TMEM71: variants seen among roughly 807,000 people sequenced by gnomAD.
TMEM71 encodes transmembrane protein 71.
A neutral mutation model predicts 38.0 loss-of-function variants in TMEM71; 44 were observed. The observed-to-expected ratio is 1.16, with a 90% CI of 0.91 to 1.49. The LOEUF (loss-of-function observed/expected upper bound fraction) is 1.49. Among genes scored for constraint, TMEM71 ranks in the 40% most tolerant of loss-of-function variants. The probability of loss-of-function intolerance (pLI) is 0.00; values close to 1 mark genes in which losing one functional copy is unlikely to be tolerated. For synonymous variants in TMEM71, 133 were observed against 122.5 expected (o/e 1.09, Z -0.56); for missense variants, 367 against 348.6 (o/e 1.05, Z -0.42).
At chr8:132,746,881 A>C (rs1828417771) in intron 5 of TMEM71, 61 bp downstream of exon 5, 8 of 1,398,782 alleles carry the variant, frequency 5.7e-6, no homozygotes, top group Non-Finnish European at 7.7e-6. Context: ...TGAGGACCAC[A>C]GGGTTACCAC....
chr8:132,738,115 T>C (rs1385573463), intron 5 of TMEM71, among the ~76,000 whole-genome samples: 1 of 151,604 alleles, frequency 6.6e-6, no homozygotes, highest in Non-Finnish European at 1.5e-5. Flanking sequence ...ACATTTTTCA[T>C]GAATTATTGC....
chr8:132,770,668 A>T, the TMEM71 span, among the ~76,000 whole-genome samples: 167 of 152,358 alleles, frequency 1.1e-3, 2 homozygotes, highest in East Asian at 0.028. Context: ...CTTATTCCTT[A>T]TCTTCTATTA....
At chr8:132,724,715 G>C (rs9297855) in intron 6 of TMEM71, among the ~76,000 whole-genome samples, 87,807 of 152,054 alleles carry the variant, frequency 0.58, 28,195 homozygotes, top group African/African-American at 0.87. Flanking sequence ...AAAATAAAGA[G>C]AGGCATAACA....
At position 132,751,767 on chromosome 8, in the gene TMEM71, G is replaced by A; in HGVS notation, c.314+18C>T. 6.2e-7 allele frequency: 1 copy of A among 1,605,502 alleles called. No individual in the cohort carries two copies. Among genetic ancestry groups the A allele is most frequent in the Non-Finnish European group, 8.5e-7 (1 of 1,173,414 alleles). On this transcript the variant is annotated intron_variant, in intron 4 of 9. Coordinates refer to ENST00000677595, the MANE Select transcript of TMEM71 (RefSeq NM_001382403.1). ...TGGATTGGACTTCAGATTTCTTTCT[G>A]TAATATGCTCTGCTTACCTAACTAA...
rs571171130 is a variant in TMEM71 at position 132,756,218 on chromosome 8, T to C, written c.101+1016A>G. ...GTAGTACTTCAAGAAAATGGTAGACTGCACATGTTTTGGTAGAGCATAAAA... is the reference window on the plus strand; with the variant it reads ...GTAGTACTTCAAGAAAATGGTAGACCGCACATGTTTTGGTAGAGCATAAAA... On this transcript the variant is annotated intron_variant, in intron 3 of 9. Transcript: ENST00000677595. Among the ~76,000 whole-genome samples, 382 of 151,884 alleles carry C rather than the reference T, an allele frequency of 2.5e-3. 2 individuals are homozygous for C. The highest frequency in any genetic ancestry group is 8.7e-3 in the African/African-American group (362 of 41,400).
At chr8:132,744,851 A>G (rs1828248876) in intron 5 of TMEM71, among the ~76,000 whole-genome samples, 1 of 152,244 alleles carries the variant, frequency 6.6e-6, no homozygotes, top group Non-Finnish European at 1.5e-5. Flanking sequence ...CACGAAATGG[A>G]ATAGAGAACC....
the TMEM71 span, among the ~76,000 whole-genome samples, chr8:132,773,450 A>G: frequency 6.6e-6 from 1 of 152,200 alleles, no homozygotes; most frequent in South Asian, 2.1e-4. Flanking sequence ...ATTCTCAACA[A>G]ATAGTTGGGA....
chr8:132,744,645 T>C (rs2467967), intron 5 of TMEM71, among the ~76,000 whole-genome samples: 45,531 of 152,092 alleles, frequency 0.3, 7,012 homozygotes, highest in Non-Finnish European at 0.33. Context: ...CCTATCAAAC[T>C]ATCAATATTA....
chr8:132,763,999 AC>A (rs1829333606), upstream of TMEM71, among the ~76,000 whole-genome samples: 1 of 152,100 alleles, frequency 6.6e-6, no homozygotes, highest in Non-Finnish European at 1.5e-5. Context: ...CTCTCTTCCT[AC>A]CCAAGCCTCA....
At chr8:132,751,565 A>G (rs1437008158) in intron 4 of TMEM71, among the ~76,000 whole-genome samples, 1 of 152,202 alleles carries the variant, frequency 6.6e-6, no homozygotes, top group East Asian at 1.9e-4. Flanking sequence ...TGGAGCAATA[A>G]TGGGCTCCTT....
upstream of TMEM71, among the ~76,000 whole-genome samples, chr8:132,761,513 C>T (rs1381199442): frequency 6.6e-6 from 1 of 152,232 alleles, no homozygotes; most frequent in Non-Finnish European, 1.5e-5. Context: ...AAGTTAATCT[C>T]ATCCTTTCCT....
chr8:132,752,937 T>G (rs1371545880), intron 3 of TMEM71, among the ~76,000 whole-genome samples: 1 of 151,716 alleles, frequency 6.6e-6, no homozygotes. Flanking sequence ...TGTGAAAATG[T>G]TTCATAAATG....
At position 132,747,131 on chromosome 8, in the gene TMEM71, GC is replaced by G; in HGVS notation, c.315-18del. 1 of 1,569,828 alleles carries G rather than the reference GC, an allele frequency of 6.4e-7. No individual in the cohort carries two copies. The highest frequency in any genetic ancestry group is 8.6e-7 in the Non-Finnish European group (1 of 1,159,342). On this transcript the variant is annotated intron_variant, in intron 4 of 9. Coordinates refer to ENST00000677595, the MANE Select transcript of TMEM71 (RefSeq NM_001382403.1). ...CTAAATATCCTAGAGAGAAATGAAA[GC>G]ATGGTGAACAACGAATAATAGTTAC...
At chr8:132,746,342 T>G (rs1212262417) in intron 5 of TMEM71, among the ~76,000 whole-genome samples, 1 of 147,246 alleles carries the variant, frequency 6.8e-6, no homozygotes, top group African/African-American at 2.5e-5. Flanking sequence ...TGTGTTTATA[T>G]ACATACACAC....
upstream of TMEM71, among the ~76,000 whole-genome samples, chr8:132,765,010 A>G (rs1829345650): frequency 6.6e-6 from 1 of 152,254 alleles, no homozygotes; most frequent in African/African-American, 2.4e-5. Context: ...TGGACAGGCT[A>G]CTAATCTAGA....
intron 5 of TMEM71, among the ~76,000 whole-genome samples, chr8:132,736,181 T>C (rs1481202710): frequency 6.6e-6 from 1 of 152,204 alleles, no homozygotes; most frequent in Non-Finnish European, 1.5e-5. Context: ...TGATTCAACG[T>C]TCACTGTTGC....
At chr8:132,765,728 G>T in the TMEM71 span, among the ~76,000 whole-genome samples, 4 of 151,812 alleles carry the variant, frequency 2.6e-5, no homozygotes, top group Non-Finnish European at 4.4e-5. Flanking sequence ...ATTCCTAGTG[G>T]TTCTGCTTCT....
chr8:132,715,168 A>C (rs1826440384), intron 7 of TMEM71, among the ~76,000 whole-genome samples: 1 of 151,996 alleles, frequency 6.6e-6, no homozygotes, highest in African/African-American at 2.4e-5. Flanking sequence ...GCACTTTGGG[A>C]GGCCGAGGCG....
Position 132,727,788 on chromosome 8 carries a change from C to T in TMEM71, c.676+10G>A, listed in dbSNP as rs1827230797. On this transcript the variant is annotated intron_variant, in intron 6 of 9. Coordinates refer to ENST00000677595, the MANE Select transcript of TMEM71 (RefSeq NM_001382403.1). Reference sequence around the variant, plus strand: ...TGGGTGTGGCAAATATTTAAAACACCTGAACTCACCTGAATGATCCGAACT... The same window carrying T: ...TGGGTGTGGCAAATATTTAAAACACTTGAACTCACCTGAATGATCCGAACT... 1.9e-6 allele frequency: 3 copies of T among 1,585,802 alleles called. No homozygotes were observed. The highest frequency in any genetic ancestry group is 1.7e-6 in the Non-Finnish European group (2 of 1,167,050).
Sources: allele counts gnomAD v4.1 joint callset (sites outside exome capture counted in the v4.1 genomes callset), GRCh38; gene constraint gnomAD v4.1.1; transcripts MANE v1.5; gene names NCBI Gene and HGNC (gene_info 2026-07-23, HGNC 2026-07-21).